RUFY3: variants seen among roughly 807,000 people sequenced by gnomAD.
RUFY3 encodes the protein RUN and FYVE domain containing 3.
A neutral mutation model predicts 84.0 loss-of-function variants in RUFY3; 34 were observed. That is an observed-to-expected ratio of 0.40 (90% CI 0.31 to 0.54). The LOEUF (loss-of-function observed/expected upper bound fraction) is 0.54, where lower values mean the gene tolerates loss of function less well. Ranked by LOEUF, RUFY3 falls within the 20% of genes least tolerant of loss-of-function variation. RUFY3 has a pLI of 0.39. For missense variants in RUFY3, 507 were observed against 736.8 expected (o/e 0.69, Z 3.61); for synonymous variants, 242 against 252.9 (o/e 0.96, Z 0.41).
chr4:70,774,330 C>T (rs945117390), intron 6 of RUFY3, among the ~76,000 whole-genome samples: 1 of 151,244 alleles, frequency 6.6e-6, no homozygotes, highest in Non-Finnish European at 1.5e-5. Context: ...ACATTTGGGC[C>T]GGGCATGGTG....
Position 70,798,502 on chromosome 4 carries a change from A to G in RUFY3, c.1558-1639A>G, listed in dbSNP as rs565151054. Among the ~76,000 whole-genome samples, 23 of 152,276 alleles carry G rather than the reference A, an allele frequency of 1.5e-4. 1 individual carries two copies. The South Asian group carries it at 3.1e-3, about 21-fold the overall frequency. On this transcript the variant is annotated intron_variant, in intron 14 of 17. Coordinates refer to ENST00000381006, the MANE Select transcript of RUFY3 (RefSeq NM_001037442.4). ...AAAAATGTAGCCCTTAGAACTGCCC[A>G]GCACCTTGCCAGGCACAGTGGCTCA...
chr4:70,789,491 A>G lies in RUFY3; in HGVS notation c.1240-4A>G. 6.2e-7 allele frequency: 1 copy of G among 1,609,140 alleles called. No individual in the cohort carries two copies. Among genetic ancestry groups the G allele is most frequent in the Non-Finnish European group, 8.5e-7 (1 of 1,177,938 alleles). On this transcript the variant is annotated splice_region_variant and splice_polypyrimidine_tract_variant and intron_variant, in intron 11 of 17. Coordinates refer to ENST00000381006, the MANE Select transcript of RUFY3 (RefSeq NM_001037442.4). ...AGGTTGTTTATCGTTATTTTCCATA[A>G]CAGAGTTCAGACTTAGGAGTAAAAC...
intron 1 of RUFY3, among the ~76,000 whole-genome samples, chr4:70,706,275 A>G (rs1740330793): frequency 6.6e-6 from 1 of 152,174 alleles, no homozygotes. Flanking sequence ...GCGATGAGGG[A>G]AGGACCTTTC....
intron 10 of RUFY3, among the ~76,000 whole-genome samples, chr4:70,787,265 T>G (rs1730055021): frequency 6.9e-6 from 1 of 144,714 alleles, no homozygotes; most frequent in South Asian, 2.2e-4. Flanking sequence ...TATTTGTTTT[T>G]TTTTTTTTTT....
chr4:70,751,368 A>G (rs1723108391), intron 1 of RUFY3, among the ~76,000 whole-genome samples: 2 of 152,226 alleles, frequency 1.3e-5, no homozygotes, highest in African/African-American at 4.8e-5. Flanking sequence ...CAGCTGGACC[A>G]TTTTACACTC....
intron 1 of RUFY3, among the ~76,000 whole-genome samples, chr4:70,754,314 A>AGGCCG (rs1723625906): frequency 2.0e-5 from 3 of 152,074 alleles, no homozygotes; most frequent in African/African-American, 7.2e-5. Flanking sequence ...CGGCCTCCCA[A>AGGCCG]AGTGCTGGGA....
chr4:70,746,051 A>T (rs1722155747), intron 1 of RUFY3, among the ~76,000 whole-genome samples: 1 of 151,908 alleles, frequency 6.6e-6, no homozygotes, highest in African/African-American at 2.4e-5. Context: ...AAACACAACA[A>T]CAAAAAAATT....
At chr4:70,717,544 A>T (rs115359573), upstream of RUFY3, among the ~76,000 whole-genome samples, 505 of 152,236 alleles carry the variant, frequency 3.3e-3, 4 homozygotes, top group African/African-American at 0.012. Context: ...AAATTTGTTG[A>T]AACTCATCTT....
chr4:70,728,433 A>G (rs543656297), intron 1 of RUFY3, among the ~76,000 whole-genome samples: 1 of 152,242 alleles, frequency 6.6e-6, no homozygotes, highest in Admixed American at 6.5e-5. Context: ...TAGGGTTTCT[A>G]CTGAACACAT....
At chr4:70,800,068 A>G (rs1259760731) in intron 14 of RUFY3, 73 bp from the exon 15 acceptor site, 6 of 1,434,166 alleles carry the variant, frequency 4.2e-6, no homozygotes, top group Non-Finnish European at 5.8e-6. Context: ...AAGGCATTGC[A>G]GAAGAAAATA....
chr4:70,799,164 GAAAAGAA>G (rs1356603773), intron 14 of RUFY3, among the ~76,000 whole-genome samples: 2 of 150,360 alleles, frequency 1.3e-5, no homozygotes, highest in Non-Finnish European at 3.0e-5. Context: ...AAAAAAAAGA[GAAAAGAA>G]AAAAGAAATG....
At position 70,792,876 on chromosome 4, in the gene RUFY3, A is replaced by G. The variant is rs112199309; in HGVS notation, c.1338-909A>G. The G allele has an allele frequency of 1.1e-4, 110 of 985,270 alleles. 1 individual carries two copies. Among genetic ancestry groups the G allele is most frequent in the Non-Finnish European group, 1.2e-4 (99 of 829,888 alleles). The allele number at this position is 985,270 out of a possible 1,614,324, so 61.0% of individuals were successfully genotyped here. On this transcript the variant is annotated intron_variant, in intron 12 of 17. Transcript: ENST00000381006. ...TTTAATTCTTATAATTTGCACCTAT[A>G]TAAACAAAGCTCCTACTGTATTCTT...
At chr4:70,753,658 T>C (rs16845416) in intron 1 of RUFY3, among the ~76,000 whole-genome samples, 11,044 of 152,242 alleles carry the variant, frequency 0.073, 636 homozygotes, top group East Asian at 0.2. Flanking sequence ...GTTGATGTTC[T>C]GAGACCAGAG....
intron 9 of RUFY3, among the ~76,000 whole-genome samples, 153 bp downstream of exon 9, chr4:70,783,336 G>A (rs1729254503): frequency 1.3e-5 from 2 of 152,222 alleles, no homozygotes; most frequent in African/African-American, 4.8e-5. Flanking sequence ...TGAAGGTTGT[G>A]GGAGGGTTAT....
chr4:70,804,220 A>G (rs1732592072), intron 16 of RUFY3, 128 bp from the exon 17 acceptor site: 2 of 668,956 alleles, frequency 3.0e-6, no homozygotes, highest in South Asian at 1.9e-5. Context: ...CTACCTATTT[A>G]TAATTGGTTT....
intron 1 of RUFY3, among the ~76,000 whole-genome samples, chr4:70,732,743 A>G (rs1180679822): frequency 1.4e-5 from 2 of 142,860 alleles, no homozygotes; most frequent in African/African-American, 5.4e-5. Flanking sequence ...AACATCACAC[A>G]CTGGGGACCT....
chr4:70,775,662 C>T (rs1415206656), intron 7 of RUFY3, among the ~76,000 whole-genome samples: 1 of 152,072 alleles, frequency 6.6e-6, no homozygotes, highest in Non-Finnish European at 1.5e-5. Context: ...TTAATCATAT[C>T]GTCCAGGTGT....
intron 12 of RUFY3, chr4:70,791,155 A>AT (rs762649762): frequency 6.6e-5 from 84 of 1,278,260 alleles, no homozygotes; most frequent in Non-Finnish European, 8.9e-5. Flanking sequence ...TTCTCTTGCT[A>AT]TTTTTGTGTT....
chr4:70,739,384 G>T (rs6834662), intron 1 of RUFY3, among the ~76,000 whole-genome samples: 13,994 of 152,076 alleles, frequency 0.092, 1,386 homozygotes, highest in African/African-American at 0.24. Flanking sequence ...AGTTGTAAGT[G>T]TAAAGTTGAC....
Sources: gnomAD v4.1 joint callset for allele counts (sites outside exome capture counted in the v4.1 genomes callset) on GRCh38, gnomAD v4.1.1 for gene constraint, MANE v1.5 for transcripts, NCBI Gene and HGNC (gene_info 2026-07-23, HGNC 2026-07-21) for gene names.